Variants in H3-3A observed in about 807,000 individuals in gnomAD.
H3-3A encodes histone H3.3.
For missense variants in H3-3A, 7 were observed against 184.0 expected, an observed-to-expected ratio of 0.04 and a Z score of 5.57; for synonymous variants, 49 against 61.4, an observed-to-expected ratio of 0.80 and a Z score of 0.95.
chr1:226,071,019 G>C (rs535923479), intron 3 of H3-3A, among the ~76,000 whole-genome samples: 1 of 152,166 alleles, frequency 6.6e-6, no homozygotes, highest in East Asian at 1.9e-4. Flanking sequence ...AAGAATGAGA[G>C]TGTTAAATTG....
chr1:226,069,246 C>G (rs951395643), intron 3 of H3-3A, among the ~76,000 whole-genome samples: 7 of 152,048 alleles, frequency 4.6e-5, no homozygotes, highest in African/African-American at 1.2e-4. Context: ...AAGGTTTCTC[C>G]GTGTTGGTCA....
upstream of H3-3A, among the ~76,000 whole-genome samples, chr1:226,062,446 G>A (rs184029346): frequency 2.6e-5 from 4 of 150,946 alleles, no homozygotes; most frequent in Admixed American, 2.6e-4. Flanking sequence ...GGGTGCGGGC[G>A]GCAGTCTCGG....
At chr1:226,064,144 C>G (rs369844933) in intron 1 of H3-3A, 185 bp from the exon 2 acceptor site, 1 of 496,330 alleles carries the variant, frequency 2.0e-6, no homozygotes, top group African/African-American at 2.0e-5. Context: ...TTCTAGTACT[C>G]TAGTTTGTTT....
intron 3 of H3-3A, among the ~76,000 whole-genome samples, chr1:226,070,791 A>G (rs1246072543): frequency 6.6e-6 from 1 of 151,646 alleles, no homozygotes; most frequent in Admixed American, 6.6e-5. Flanking sequence ...AGAAAGAAAT[A>G]CGGAACTAAC....
chr1:226,067,341 A>C (rs1436740545), intron 3 of H3-3A: 1 of 152,170 alleles, frequency 6.6e-6, no homozygotes, highest in Non-Finnish European at 1.5e-5. Context: ...TTCTGTCCAC[A>C]GTTCTCTTAG....
intron 3 of H3-3A, among the ~76,000 whole-genome samples, chr1:226,071,140 A>G (rs1658108341): frequency 1.3e-5 from 2 of 152,292 alleles, no homozygotes; most frequent in Non-Finnish European, 2.9e-5. Context: ...TTGATAAAAG[A>G]TTTACTGACT....
At position 226,071,993 on chromosome 1, in the gene H3-3A, TTAAAC is replaced by T. The variant is rs1441093841; in HGVS notation, c.*517_*521del. On this transcript the variant is annotated 3_prime_UTR_variant, in exon 4 of 4. Transcript: ENST00000366815. Reference sequence around the variant, plus strand: ...CCTGTAAGTTTGCTATTAAAATACATTAAACTATACCTGCTTTTGGTCTTTATTAT... The same window carrying T: ...CCTGTAAGTTTGCTATTAAAATACATTATACCTGCTTTTGGTCTTTATTAT... The T allele has an allele frequency of 9.2e-6, 2 of 217,352 alleles. No individual in the cohort carries two copies. The highest frequency in any genetic ancestry group is 1.4e-4 in the East Asian group (2 of 14,556). 13.5% of individuals were successfully genotyped at this position (217,352 alleles called of 1,614,324 possible). A position where few individuals can be genotyped will look rare whatever the true frequency, so the allele number is the denominator to read the frequency against.
At chr1:226,069,171 C>T (rs1007013731) in intron 3 of H3-3A, among the ~76,000 whole-genome samples, 1 of 151,982 alleles carries the variant, frequency 6.6e-6, no homozygotes, top group African/African-American at 2.4e-5. Flanking sequence ...CTCAGCCTCC[C>T]AAGTAGCTGG....
intron 1 of H3-3A, 26 bp from the exon 2 acceptor site, chr1:226,064,303 G>C: frequency 6.3e-7 from 1 of 1,581,564 alleles, no homozygotes; most frequent in Non-Finnish European, 8.6e-7. Flanking sequence ...TGCATATGGT[G>C]ATTTTTGATT....
intron 1 of H3-3A, among the ~76,000 whole-genome samples, chr1:226,063,229 G>A (rs1231328152): frequency 1.3e-5 from 2 of 152,050 alleles, no homozygotes; most frequent in African/African-American, 2.4e-5. Flanking sequence ...TCGCACCCTG[G>A]GGTAACTCGC....
intron 1 of H3-3A, 153 bp from the exon 2 acceptor site, chr1:226,064,176 C>A (rs560487611): frequency 3.5e-6 from 2 of 563,970 alleles, no homozygotes; most frequent in Non-Finnish European, 6.3e-6. Context: ...TTTGGGTAGA[C>A]GTAATCTTCA....
chr1:226,069,802 G>A (rs1413151629), intron 3 of H3-3A, among the ~76,000 whole-genome samples: 1 of 152,190 alleles, frequency 6.6e-6, no homozygotes, highest in African/African-American at 2.4e-5. Context: ...CTGCACTCCA[G>A]CCAGGGCTAC....
intron 3 of H3-3A, 161 bp downstream of exon 3, chr1:226,065,970 G>A: frequency 1.5e-6 from 1 of 657,730 alleles, no homozygotes; most frequent in Non-Finnish European, 2.8e-6. Context: ...ATTGCTCAAG[G>A]TCATACACGT....
intron 3 of H3-3A, chr1:226,066,032 A>C: frequency 3.4e-6 from 2 of 583,358 alleles, no homozygotes. Context: ...GGCTTAGTGC[A>C]CATTCCATTA....
intron 3 of H3-3A, among the ~76,000 whole-genome samples, chr1:226,070,278 G>A (rs963166004): frequency 2.6e-5 from 4 of 151,668 alleles, no homozygotes; most frequent in Admixed American, 6.6e-5. Context: ...TCAGGAGATC[G>A]AGACCATCCT....
At position 226,064,316 on chromosome 1, in the gene H3-3A, T is replaced by TC; in HGVS notation, c.-23-12dup. ...GTTGCATATGGTGATTTTTGATTTT[T>TC]CAATGCTGGTAGGTAAGTAAGGAGG... On this transcript the variant is annotated splice_polypyrimidine_tract_variant and intron_variant, in intron 1 of 3. Coordinates refer to ENST00000366815, the MANE Select transcript of H3-3A (RefSeq NM_002107.7). 6.3e-7 allele frequency: 1 copy of TC among 1,599,646 alleles called. No individual in the cohort carries two copies.
chr1:226,067,464 C>T (rs1013578743), intron 3 of H3-3A, among the ~76,000 whole-genome samples: 5 of 152,138 alleles, frequency 3.3e-5, no homozygotes, highest in East Asian at 3.9e-4. Context: ...GTGGGCCGGG[C>T]GCCGTGACTC....
chr1:226,070,047 TACAG>T (rs1223288908), intron 3 of H3-3A, among the ~76,000 whole-genome samples: 1 of 152,150 alleles, frequency 6.6e-6, no homozygotes, highest in Admixed American at 6.6e-5. Context: ...GAAAGGATCT[TACAG>T]TCAAATGGGA....
intron 3 of H3-3A, 91 bp downstream of exon 3, chr1:226,065,900 T>A (rs1657908284): frequency 1.0e-6 from 1 of 956,072 alleles, no homozygotes; most frequent in South Asian, 1.4e-5. Flanking sequence ...TATCATTTAA[T>A]CACAAGCCTG....
Sources: gnomAD v4.1 joint callset for allele counts (sites outside exome capture counted in the v4.1 genomes callset) on GRCh38, gnomAD v4.1.1 for gene constraint, MANE v1.5 for transcripts, NCBI Gene and HGNC (gene_info 2026-07-23, HGNC 2026-07-21) for gene names.